The following CAMSAP1 variants were observed in gnomAD, a reference collection of about 807,000 sequenced individuals.
CAMSAP1 encodes the protein calmodulin regulated spectrin associated protein 1.
A neutral mutation model predicts 143.5 loss-of-function variants in CAMSAP1; 58 were observed. The observed-to-expected ratio is 0.40, with a 90% CI of 0.33 to 0.50. The LOEUF is 0.50. Among genes scored for constraint, CAMSAP1 ranks in the 20% least tolerant of loss-of-function variants. The pLI is 0.45. For synonymous variants in CAMSAP1, 945 were observed against 859.3 expected (o/e 1.10, Z -1.74); for missense variants, 1,969 against 2,115.7 (o/e 0.93, Z 1.36).
intron 7 of CAMSAP1, among the ~76,000 whole-genome samples, chr9:135,843,969 G>A (rs1303811475): frequency 6.6e-6 from 1 of 151,040 alleles, no homozygotes; most frequent in Non-Finnish European, 1.5e-5. Flanking sequence ...AGTTCTTAGA[G>A]ACCTAGAAAG....
At chr9:135,875,627 A>G (rs1837717805) in intron 3 of CAMSAP1, among the ~76,000 whole-genome samples, 1 of 152,274 alleles carries the variant, frequency 6.6e-6, no homozygotes, top group South Asian at 2.1e-4. Flanking sequence ...ATCCAGAAAC[A>G]GACTCACATA....
rs188872093 is a variant in CAMSAP1 at position 135,892,955 on chromosome 9, G to A, written c.161-9877C>T. On this transcript the variant is annotated intron_variant, in intron 1 of 16. Coordinates refer to ENST00000389532, the MANE Select transcript of CAMSAP1 (RefSeq NM_015447.4). Reference sequence around the variant, plus strand: ...AGGCCAAGGTAGGAGGATCATTTGAGTTCAGCAGTTTGAGACCAGCCTAGG... The same window carrying A: ...AGGCCAAGGTAGGAGGATCATTTGAATTCAGCAGTTTGAGACCAGCCTAGG... 8.6e-5 allele frequency among the ~76,000 whole-genome samples: 13 copies of A among 151,586 alleles called. No homozygotes were observed. In the East Asian group the frequency reaches 2.1e-3, roughly 25 times the overall value.
In CAMSAP1 at chr9:135,811,192, T is replaced by G; in HGVS notation, c.*117A>C. The G allele has an allele frequency of 8.1e-7, 1 of 1,232,434 alleles. No individual in the cohort carries two copies. The highest frequency in any genetic ancestry group is 1.1e-6 in the Non-Finnish European group (1 of 894,808). 76.3% of individuals were successfully genotyped at this position (1,232,434 alleles called of 1,614,324 possible). On this transcript the variant is annotated 3_prime_UTR_variant, in exon 17 of 17. Coordinates refer to ENST00000389532, the MANE Select transcript of CAMSAP1 (RefSeq NM_015447.4). This position sits in a 1 kb window ranked among gnomAD's most constrained non-coding sequence, Gnocchi z 4.9. ...GCAAAAGGTCTGTGACTTTGCACACTTCGTACCCAAATAGATGAAAACAAT... is the reference window on the plus strand; with the variant it reads ...GCAAAAGGTCTGTGACTTTGCACACGTCGTACCCAAATAGATGAAAACAAT...
intron 7 of CAMSAP1, chr9:135,836,239 G>A (rs1836030208): frequency 1.0e-6 from 1 of 985,016 alleles, no homozygotes; most frequent in Non-Finnish European, 1.2e-6. Context: ...CTGTTCTACA[G>A]AAACACGTCA....
chr9:135,884,968 G>A (rs1163704737), intron 1 of CAMSAP1, among the ~76,000 whole-genome samples: 1 of 152,174 alleles, frequency 6.6e-6, no homozygotes, highest in African/African-American at 2.4e-5. Context: ...ACCTGAAAAC[G>A]TTTGCAGCAG....
chr9:135,810,692 G>A lies in CAMSAP1; in HGVS notation c.*617C>T, dbSNP rs1330841543. On this transcript the variant is annotated 3_prime_UTR_variant, in exon 17 of 17. Transcript: ENST00000389532. ...TCCGTAAACTTTTTCTGAGCAGCAA[G>A]GGATAAGAATTTTTTTTCAGAAATC... The A allele has an allele frequency of 1.3e-5, 2 of 152,658 alleles. No homozygotes were observed. The highest frequency in any genetic ancestry group is 2.9e-5 in the Non-Finnish European group (2 of 68,080). The allele number at this position is 152,658 out of a possible 1,614,324, so 9.5% of individuals were successfully genotyped here.
intron 1 of CAMSAP1, among the ~76,000 whole-genome samples, chr9:135,896,741 C>T (rs932337047): frequency 6.6e-5 from 10 of 152,306 alleles, no homozygotes; most frequent in Admixed American, 1.3e-4. Flanking sequence ...AGTTTGAAAT[C>T]ATTGAGGAGT....
In CAMSAP1 at chr9:135,871,146, T is replaced by G. The variant is rs139735090; in HGVS notation, c.586-4610A>C. On this transcript the variant is annotated intron_variant, in intron 3 of 16. Transcript: ENST00000389532. ...ATCAGCTATCCTCTAGCAAGCCAGA[T>G]AGTAAGACACTTGCAAAATTGTAAA... Among the ~76,000 whole-genome samples the G allele has an allele frequency of 2.5e-4, 38 of 152,308 alleles. No homozygotes were observed. In the East Asian group the frequency reaches 6.9e-3, roughly 28 times the overall value.
rs554668945 is a variant in CAMSAP1 at position 135,825,157 on chromosome 9, AGAGT to A, written c.1224-281_1224-278del. Among the ~76,000 whole-genome samples, 146 of 152,052 alleles carry A rather than the reference AGAGT, an allele frequency of 9.6e-4. 1 individual carries two copies. Among genetic ancestry groups the A allele is most frequent in the Admixed American group, 2.2e-3 (34 of 15,296 alleles). The stretch of plus-strand genomic sequence containing the variant: ...AAAAGCAAAACCCAAGCGTGCAATT[AGAGT>A]GATTTTCTGAGATAAGCAAAAGTAA... On this transcript the variant is annotated intron_variant, in intron 8 of 16. Coordinates refer to ENST00000389532, the MANE Select transcript of CAMSAP1 (RefSeq NM_015447.4).
chr9:135,879,263 C>G (rs1333095583), intron 3 of CAMSAP1, among the ~76,000 whole-genome samples: 4 of 152,264 alleles, frequency 2.6e-5, no homozygotes, highest in South Asian at 4.1e-4. Context: ...AATGATGTCT[C>G]TGGTTACAAG....
chr9:135,903,242 A>G (rs1838670786), intron 1 of CAMSAP1, among the ~76,000 whole-genome samples: 1 of 152,242 alleles, frequency 6.6e-6, no homozygotes, highest in Non-Finnish European at 1.5e-5. Context: ...TTTCACTCAA[A>G]CATCACCACA....
At chr9:135,878,607 C>G (rs1208332591) in intron 3 of CAMSAP1, among the ~76,000 whole-genome samples, 1 of 152,212 alleles carries the variant, frequency 6.6e-6, no homozygotes, top group Non-Finnish European at 1.5e-5. Context: ...AGAAACCCCA[C>G]CTGTAGAGTG....
At chr9:135,816,502 G>GAGCA (rs1564414971) in intron 14 of CAMSAP1, among the ~76,000 whole-genome samples, 2 of 152,238 alleles carry the variant, frequency 1.3e-5, no homozygotes, top group African/African-American at 4.8e-5. Flanking sequence ...AGTCTCCACT[G>GAGCA]AGCACAACAG....
At chr9:135,827,651 C>A in intron 7 of CAMSAP1, 67 bp from the exon 8 acceptor site, 1 of 1,382,898 alleles carries the variant, frequency 7.2e-7, no homozygotes, top group Non-Finnish European at 9.5e-7. Flanking sequence ...ACCTAACCTG[C>A]AGCTTTTATA....
At chr9:135,838,890 C>T (rs1356326553) in intron 7 of CAMSAP1, among the ~76,000 whole-genome samples, 1 of 152,092 alleles carries the variant, frequency 6.6e-6, no homozygotes, top group Non-Finnish European at 1.5e-5. Context: ...ACCTTCTACC[C>T]TGTTCTACAG....
In CAMSAP1 at chr9:135,824,533, C is replaced by T. The variant is rs1194928422; in HGVS notation, c.1315+256G>A. On this transcript the variant is annotated intron_variant, in intron 9 of 16. Transcript: ENST00000389532. This position sits in a 1 kb window ranked among gnomAD's most constrained non-coding sequence, Gnocchi z 4.1. Reference sequence around the variant, plus strand: ...TACAAAAATTAACTGAGCATGGTGGCATGCGCCTATAATCCCAGCTATGTG... The same window carrying T: ...TACAAAAATTAACTGAGCATGGTGGTATGCGCCTATAATCCCAGCTATGTG... 6.6e-6 allele frequency among the ~76,000 whole-genome samples: 1 copy of T among 152,112 alleles called. No individual in the cohort carries two copies. Among genetic ancestry groups the T allele is most frequent in the Non-Finnish European group, 1.5e-5 (1 of 68,026 alleles).
intron 1 of CAMSAP1, among the ~76,000 whole-genome samples, chr9:135,895,117 A>G (rs926213354): frequency 1.3e-5 from 2 of 152,250 alleles, no homozygotes; most frequent in African/African-American, 4.8e-5. Context: ...CTGCGGGAGA[A>G]TAACAAAAGA....
At chr9:135,904,744 G>A (rs1316169394) in intron 1 of CAMSAP1, among the ~76,000 whole-genome samples, 5 of 151,736 alleles carry the variant, frequency 3.3e-5, no homozygotes, top group South Asian at 4.2e-4. Context: ...CAAGGCAGGC[G>A]GATCGTGAGG....
chr9:135,821,839 T>A lies in CAMSAP1; in HGVS notation c.2822A>T (p.Gln941Leu). Residue 941 changes from glutamine (Q) to leucine (L), a missense_variant, in exon 11 of 17, where the codon CAG becomes CTG. This residue lies in a region of CAMSAP1 where 1,390 missense variants were observed against 1,420.8 expected (regional missense o/e 0.98). Coordinates refer to ENST00000389532, the MANE Select transcript of CAMSAP1 (RefSeq NM_015447.4). The surrounding 1 kb of genome is among the most constrained non-coding windows in gnomAD (Gnocchi z 4.6). ...GTCCCCACAGTCCTCCCCGTTGTGC[T>A]GAGAGTACTCCTTTGCAAAGTGCTC... ...RPEHFAKEYS[Q>L]HNGEDCGDAV... The A allele has an allele frequency of 6.2e-7, 1 of 1,614,050 alleles. No individual in the cohort carries two copies. The highest frequency in any genetic ancestry group is 1.1e-5 in the South Asian group (1 of 91,088).
Sources: gnomAD v4.1 joint callset for allele counts (sites outside exome capture counted in the v4.1 genomes callset) on GRCh38, gnomAD v4.1.1 for gene constraint, gnomAD v4.1.1 regional missense constraint, Gnocchi (gnomAD v3.1) non-coding constraint, MANE v1.5 for transcripts, NCBI Gene and HGNC (gene_info 2026-07-23, HGNC 2026-07-21) for gene names.